Variants in PINK1 observed in about 807,000 individuals in gnomAD.
PINK1 encodes PTEN induced kinase 1.
PINK1 carries 58 observed loss-of-function variants against 56.0 expected under a neutral mutation model. The ratio of observed to expected loss-of-function variants is 1.04; its 90% confidence interval spans 0.84 to 1.29. The LOEUF is 1.29. Ranked by LOEUF, PINK1 falls within the 50% of genes most tolerant of loss-of-function variation. The probability of loss-of-function intolerance (pLI) is 0.00; values close to 1 mark genes in which losing one functional copy is unlikely to be tolerated. For missense variants in PINK1, 745 were observed against 777.9 expected, an observed-to-expected ratio of 0.96 and a Z score of 0.50; for synonymous variants, 354 against 339.3, an observed-to-expected ratio of 1.04 and a Z score of -0.48.
chr1:20,644,667 G>A lies in PINK1; in HGVS notation c.954G>A (p.Met318Ile). ...LGHGRTLFLV[M>I]KNYPCTLRQY... ...ATGGCCGGACGCTGTTCCTCGTTATGAAGAAGTAAGTGACAGCAGCGCGGC... is the reference window on the plus strand; with the variant it reads ...ATGGCCGGACGCTGTTCCTCGTTATAAAGAAGTAAGTGACAGCAGCGCGGC... The change falls in exon 4 of 8, where the codon ATG becomes ATA. Residue 318 changes from methionine to isoleucine, a missense_variant. Transcript: ENST00000321556. The A allele has an allele frequency of 6.2e-7, 1 of 1,614,196 alleles. No homozygotes were observed. The highest frequency in any genetic ancestry group is 2.2e-5 in the East Asian group (1 of 44,886).
At chr1:20,633,956 A>C (rs1283337615) in intron 1 of PINK1, 21 bp downstream of exon 1, 2 of 1,521,424 alleles carry the variant, frequency 1.3e-6, no homozygotes, top group East Asian at 2.6e-5. Flanking sequence ...CCGGGTCCTA[A>C]GCCGAGCGGA....
intron 1 of PINK1, among the ~76,000 whole-genome samples, chr1:20,634,751 A>T (rs887357170): frequency 6.6e-6 from 1 of 152,198 alleles, no homozygotes; most frequent in Admixed American, 6.5e-5. Context: ...GCAGAATTCC[A>T]TCTTCTTCCA....
rs7349186 is a variant in PINK1 at position 20,644,627 on chromosome 1, C to G, written c.914C>G (p.Pro305Arg). ...YPDVLPSRLH[P>R]EGLGHGRTLF... Reference sequence around the variant, plus strand: ...GATGTGCTGCCCTCACGCCTCCACCCTGAAGGCCTGGGCCATGGCCGGACG... The same window carrying G: ...GATGTGCTGCCCTCACGCCTCCACCGTGAAGGCCTGGGCCATGGCCGGACG... Residue 305 changes from proline (P) to arginine (R), a missense_variant, in exon 4 of 8, where the codon CCT (proline) becomes CGT (arginine). Pro to Arg is a moderately radical substitution (Grantham distance 103). Coordinates refer to ENST00000321556, the MANE Select transcript of PINK1 (RefSeq NM_032409.3). 1.2e-6 allele frequency: 2 copies of G among 1,614,220 alleles called. No individual in the cohort carries two copies. Among genetic ancestry groups the G allele is most frequent in the Non-Finnish European group, 1.7e-6 (2 of 1,180,048 alleles).
rs553977557 is a variant in PINK1 at position 20,651,225 on chromosome 1, A to G, written c.*534A>G. 3.4e-4 allele frequency: 60 copies of G among 177,194 alleles called. No homozygotes were observed. The South Asian group carries it at 6.8e-3, about 20-fold the overall frequency. 11.0% of individuals were successfully genotyped at this position (177,194 alleles called of 1,614,324 possible). On this transcript the variant is annotated 3_prime_UTR_variant, in exon 8 of 8. Coordinates refer to ENST00000321556, the MANE Select transcript of PINK1 (RefSeq NM_032409.3). Reference sequence around the variant, plus strand: ...CGAAAGTGACGGATGAGCAGTAAGTAAGTAAGTGTGGGGATTTAAACTTGA... The same window carrying G: ...CGAAAGTGACGGATGAGCAGTAAGTGAGTAAGTGTGGGGATTTAAACTTGA...
intron 2 of PINK1, chr1:20,639,549 G>C: frequency 2.7e-6 from 1 of 370,258 alleles, no homozygotes; most frequent in Non-Finnish European, 5.2e-6. Context: ...GAATGAGTTA[G>C]TGATCCAGTG....
At position 20,633,978 on chromosome 1, in the gene PINK1, A is replaced by T; in HGVS notation, c.387+43A>T. ...CTAAGCCGAGCGGAGGACGGAGCTA[A>T]GCGCGGGGGCGGGTCCTCAGCTGGG... On this transcript the variant is annotated intron_variant, in intron 1 of 7. Coordinates refer to ENST00000321556, the MANE Select transcript of PINK1 (RefSeq NM_032409.3). 7.9e-6 allele frequency: 9 copies of T among 1,144,862 alleles called. No homozygotes were observed. In the East Asian group the frequency reaches 1.5e-4, roughly 19 times the overall value. The allele number at this position is 1,144,862 out of a possible 1,614,324, so 70.9% of individuals were successfully genotyped here. A position where few individuals can be genotyped will look rare whatever the true frequency, so the allele number is the denominator to read the frequency against.
chr1:20,638,109 A>G lies in PINK1; in HGVS notation c.655A>G (p.Lys219Glu). 2 of 1,613,048 alleles carry G rather than the reference A, an allele frequency of 1.2e-6. No individual in the cohort carries two copies. Among genetic ancestry groups the G allele is most frequent in the Non-Finnish European group, 1.7e-6 (2 of 1,179,980 alleles). Residue 219 changes from lysine (K) to glutamate (E), a missense_variant, in exon 2 of 8, where the codon AAG (lysine) becomes GAG (glutamate). Lys to Glu is a moderately conservative substitution (Grantham distance 56, BLOSUM62 1). Transcript: ENST00000321556. Reference sequence around the variant, plus strand: ...GGCCCCTGCCTTCCCCTTGGCCATCAAGATGATGTGGAACATCTCGGTAAG... The same window carrying G: ...GGCCCCTGCCTTCCCCTTGGCCATCGAGATGATGTGGAACATCTCGGTAAG... ...PGAPAFPLAI[K>E]MMWNISAGSS... is the part of the protein sequence containing the mutation.
intron 1 of PINK1, among the ~76,000 whole-genome samples, chr1:20,634,653 A>C (rs1428469106): frequency 6.6e-6 from 1 of 152,322 alleles, no homozygotes; most frequent in African/African-American, 2.4e-5. Flanking sequence ...GGGGATTGGC[A>C]AAGTCTTAAA....
In PINK1 at chr1:20,644,806, G is replaced by A. The variant is rs1329257256; in HGVS notation, c.959+134G>A. On this transcript the variant is annotated intron_variant, in intron 4 of 7. Transcript: ENST00000321556. ...TCACCCTTCCGGAGAAGAAAGCCAT[G>A]CAAAGGGAACATATCTGCCCTGGAG... 5.0e-6 allele frequency: 6 copies of A among 1,211,330 alleles called. No individual in the cohort carries two copies. In the African/African-American group the frequency reaches 7.6e-5, roughly 15 times the overall value. 75.0% of individuals were successfully genotyped at this position (1,211,330 alleles called of 1,614,324 possible). A position where few individuals can be genotyped will look rare whatever the true frequency, so the allele number is the denominator to read the frequency against.
At chr1:20,638,366 C>G (rs554885710) in intron 2 of PINK1, 1 of 538,366 alleles carries the variant, frequency 1.9e-6, no homozygotes, top group East Asian at 3.4e-5. Flanking sequence ...TTTGGCCAGG[C>G]CTGGTGGACC....
intron 5 of PINK1, among the ~76,000 whole-genome samples, chr1:20,647,053 ATT>A (rs71585775): frequency 5.9e-4 from 54 of 91,458 alleles, no homozygotes; most frequent in East Asian, 5.5e-3. Context: ...CTAATTTTTG[ATT>A]TTTTTTTTTT....
At chr1:20,649,366 G>A in intron 7 of PINK1, 135 bp downstream of exon 7, 3 of 927,312 alleles carry the variant, frequency 3.2e-6, no homozygotes, top group African/African-American at 1.6e-5. Flanking sequence ...AGTTACAAGA[G>A]AACAAAAAAC....
chr1:20,650,753 C>G lies in PINK1; in HGVS notation c.*62C>G. 6.3e-7 allele frequency: 1 copy of G among 1,580,412 alleles called. No individual in the cohort carries two copies. Among genetic ancestry groups the G allele is most frequent in the Non-Finnish European group, 8.6e-7 (1 of 1,167,008 alleles). On this transcript the variant is annotated 3_prime_UTR_variant, in exon 8 of 8. Transcript: ENST00000321556. ...ATGGCATCCTCTGTGTCGTGATGGT[C>G]TGTGAATGGTGAGGGTGGGAGTCAG...
chr1:20,649,943 AC>A (rs1403208440), intron 7 of PINK1: 8 of 234,100 alleles, frequency 3.4e-5, no homozygotes, highest in African/African-American at 1.8e-4. Context: ...GCAAAGGCAG[AC>A]CTATCCGAAG....
chr1:20,636,508 A>AT (rs1434669236), intron 1 of PINK1, among the ~76,000 whole-genome samples: 2 of 151,974 alleles, frequency 1.3e-5, no homozygotes, highest in African/African-American at 2.4e-5. Flanking sequence ...CACCCGGCTA[A>AT]TTTTTTGTAT....
At chr1:20,640,553 G>A (rs1045505609) in intron 3 of PINK1, among the ~76,000 whole-genome samples, 1 of 152,180 alleles carries the variant, frequency 6.6e-6, no homozygotes, top group Admixed American at 6.5e-5. Context: ...TTCTCAAAGG[G>A]ACAGTTTGTG....
intron 3 of PINK1, 40 bp from the exon 4 acceptor site, chr1:20,644,450 T>A: frequency 6.2e-7 from 1 of 1,601,980 alleles, no homozygotes; most frequent in East Asian, 2.2e-5. Context: ...GTGTTGTATC[T>A]GATGCTGGCC....
Position 20,635,864 on chromosome 1 carries a change from TAAA to T in PINK1, c.387+1934_387+1936del, listed in dbSNP as rs1456405782. Among the ~76,000 whole-genome samples the T allele has an allele frequency of 4.8e-4, 14 of 29,472 alleles. No homozygotes were observed. In the South Asian group the frequency reaches 0.011, roughly 22 times the overall value. 19.3% of individuals were successfully genotyped at this position (29,472 alleles called of 152,430 possible). ...ACTCCGTCTCAAAAAAAATAAAAAA[TAAA>T]AAAATAAAAAATTCTGAAGCCAGGC... On this transcript the variant is annotated intron_variant, in intron 1 of 7. Transcript: ENST00000321556.
At chr1:20,638,186 G>A in intron 2 of PINK1, 57 bp downstream of exon 2, 1 of 1,574,888 alleles carries the variant, frequency 6.3e-7, no homozygotes. Flanking sequence ...CCATCTTAGT[G>A]GGCCTGGTGA....
Sources: allele counts gnomAD v4.1 joint callset (sites outside exome capture counted in the v4.1 genomes callset), GRCh38; gene constraint gnomAD v4.1.1; transcripts MANE v1.5; gene names NCBI Gene and HGNC (gene_info 2026-07-23, HGNC 2026-07-21).